The following DIPK1A variants were observed in gnomAD, a reference collection of about 807,000 sequenced individuals.
DIPK1A encodes family with sequence similarity 69 member A.
DIPK1A carries 27 observed loss-of-function variants against 40.8 expected under a neutral mutation model. That is an observed-to-expected ratio of 0.66 (90% CI 0.49 to 0.91). The LOEUF is 0.91. Among genes scored for constraint, DIPK1A ranks in the 40% least tolerant of loss-of-function variants. DIPK1A has a pLI of 0.00. For synonymous variants in DIPK1A, 166 were observed against 171.3 expected, an observed-to-expected ratio of 0.97 and a Z score of 0.24; for missense variants, 412 against 505.7, an observed-to-expected ratio of 0.81 and a Z score of 1.78.
intron 1 of DIPK1A, among the ~76,000 whole-genome samples, chr1:92,944,816 G>C (rs541858500): frequency 7.2e-5 from 11 of 152,130 alleles, no homozygotes; most frequent in African/African-American, 2.6e-4. Flanking sequence ...AGGAATTTGA[G>C]ACCAGCCTGG....
At chr1:92,946,403 A>C (rs1219650802) in intron 1 of DIPK1A, among the ~76,000 whole-genome samples, 1 of 152,202 alleles carries the variant, frequency 6.6e-6, no homozygotes, top group Non-Finnish European at 1.5e-5. Context: ...AAGAGAGGAA[A>C]AAACAGGTAG....
chr1:92,842,396 T>A lies in DIPK1A; in HGVS notation c.*987A>T, dbSNP rs1007068522. The A allele has an allele frequency of 1.0e-6, 1 of 982,408 alleles. No individual in the cohort carries two copies. The highest frequency in any genetic ancestry group is 1.2e-6 in the Non-Finnish European group (1 of 827,252). The allele number at this position is 982,408 out of a possible 1,614,324, so 60.9% of individuals were successfully genotyped here. ...TTAATTTTATGGAGATGTTGAAAGG[T>A]ACATGCCAAATCTGAGTATACGTGT... On this transcript the variant is annotated 3_prime_UTR_variant, in exon 5 of 5. Coordinates refer to ENST00000370310, the MANE Select transcript of DIPK1A (RefSeq NM_001006605.5).
intron 1 of DIPK1A, among the ~76,000 whole-genome samples, chr1:92,929,709 C>CT (rs2100869409): frequency 6.6e-6 from 1 of 152,288 alleles, no homozygotes; most frequent in African/African-American, 2.4e-5. Context: ...TTTCAATAAT[C>CT]TTTGTCTGTG....
chr1:92,941,917 G>A (rs1004599264), intron 1 of DIPK1A, among the ~76,000 whole-genome samples: 5 of 151,804 alleles, frequency 3.3e-5, no homozygotes, highest in Non-Finnish European at 1.5e-5. Context: ...TTGAACCCAG[G>A]AGGCGGAGGT....
intron 1 of DIPK1A, among the ~76,000 whole-genome samples, chr1:92,900,023 T>C (rs575909115): frequency 3.4e-5 from 5 of 147,822 alleles, no homozygotes; most frequent in African/African-American, 1.3e-4. Flanking sequence ...TATATGTGAC[T>C]TGACACTTTT....
chr1:92,833,060 A>G lies in DIPK1A; in HGVS notation c.475-26T>C, dbSNP rs916284971. ...CTTGAAGAAACAAATATGGAAATTG[A>G]AAGCGTTTAAAACCTTTTGAAAGCA... On this transcript the variant is annotated intron_variant, in intron 4 of 4. Coordinates refer to the DIPK1A transcript ENST00000615519. 6.9e-6 allele frequency: 5 copies of G among 727,850 alleles called. No individual in the cohort carries two copies. In the African/African-American group the frequency reaches 8.6e-5, roughly 12 times the overall value. 45.1% of individuals were successfully genotyped at this position (727,850 alleles called of 1,614,324 possible).
intron 1 of DIPK1A, among the ~76,000 whole-genome samples, chr1:92,889,645 T>C (rs532734799): frequency 2.1e-5 from 3 of 144,958 alleles, no homozygotes; most frequent in Admixed American, 2.1e-4. Context: ...ATATCTTTCC[T>C]TTTTTTTTTT....
intron 4 of DIPK1A, chr1:92,836,159 A>G (rs772902205): frequency 6.3e-7 from 1 of 1,589,476 alleles, no homozygotes; most frequent in South Asian, 1.1e-5. Flanking sequence ...TGAATAATTG[A>G]AACCAGCATT....
intron 1 of DIPK1A, among the ~76,000 whole-genome samples, chr1:92,946,544 T>C (rs1374978274): frequency 6.6e-6 from 1 of 152,166 alleles, no homozygotes; most frequent in African/African-American, 2.4e-5. Context: ...TAAGTTAAAT[T>C]AAAATTACAA....
chr1:92,906,304 G>C (rs1649620532), intron 1 of DIPK1A, among the ~76,000 whole-genome samples: 1 of 152,138 alleles, frequency 6.6e-6, no homozygotes, highest in African/African-American at 2.4e-5. Context: ...TTAAATCAGA[G>C]ACTAAGTCTT....
chr1:92,948,434 T>A (rs1400365176), intron 1 of DIPK1A, among the ~76,000 whole-genome samples: 1 of 151,568 alleles, frequency 6.6e-6, no homozygotes, highest in Non-Finnish European at 1.5e-5. Flanking sequence ...AAAACTTTTT[T>A]AAAAAGGTAA....
intron 2 of DIPK1A, among the ~76,000 whole-genome samples, chr1:92,869,542 T>G (rs1193416728): frequency 6.6e-6 from 1 of 152,182 alleles, no homozygotes; most frequent in Non-Finnish European, 1.5e-5. Flanking sequence ...ACCCACACTT[T>G]AAAACTTAAA....
chr1:92,837,599 C>G, downstream of DIPK1A: 1 of 1,612,112 alleles, frequency 6.2e-7, no homozygotes, highest in Non-Finnish European at 8.5e-7. Context: ...AAACAGTTCT[C>G]TCAATACATA....
At chr1:92,850,230 A>C (rs578206926) in intron 3 of DIPK1A, among the ~76,000 whole-genome samples, 52 of 152,168 alleles carry the variant, frequency 3.4e-4, no homozygotes, top group African/African-American at 1.2e-3. Flanking sequence ...TCAGCCTCCC[A>C]AAGTGTTGGG....
chr1:92,951,279 ACATGAAC>A (rs577016798), intron 1 of DIPK1A, among the ~76,000 whole-genome samples: 2 of 152,306 alleles, frequency 1.3e-5, no homozygotes, highest in South Asian at 2.1e-4. Flanking sequence ...AGAAAGGGAA[ACATGAAC>A]CATGAACCAT....
chr1:92,866,963 G>A (rs185036426), intron 2 of DIPK1A, among the ~76,000 whole-genome samples: 44 of 152,286 alleles, frequency 2.9e-4, no homozygotes, highest in Non-Finnish European at 5.6e-4. Flanking sequence ...AATAATGTGT[G>A]TGTGTGTGTC....
At chr1:92,934,129 A>C (rs1304090039) in intron 1 of DIPK1A, 4 of 152,372 alleles carry the variant, frequency 2.6e-5, no homozygotes, top group African/African-American at 7.2e-5. Flanking sequence ...ACTTTAGATA[A>C]TAAAAAATGA....
At chr1:92,833,634 G>A in intron 4 of DIPK1A, 1 of 1,611,886 alleles carries the variant, frequency 6.2e-7, no homozygotes, top group Non-Finnish European at 8.5e-7. Flanking sequence ...GATAGTTCGT[G>A]TGACAAACAG....
rs755345711 is a variant in DIPK1A, at chr1:92,912,182, C to T, written c.55-35752G>A. On this transcript the variant is annotated intron_variant, in intron 1 of 4. Coordinates refer to ENST00000370310, the MANE Select transcript of DIPK1A (RefSeq NM_001006605.5). ...TGGTTTCAATTTGTTTTAATCACAA[C>T]ACTACACATTTTAAAAATAAGGAAT... 5.3e-4 allele frequency among the ~76,000 whole-genome samples: 81 copies of T among 152,056 alleles called. 1 individual carries two copies. Among genetic ancestry groups the T allele is most frequent in the Admixed American group, 3.9e-3 (59 of 15,270 alleles).
Sources: allele counts gnomAD v4.1 joint callset (sites outside exome capture counted in the v4.1 genomes callset), GRCh38; gene constraint gnomAD v4.1.1; transcripts MANE v1.5; gene names NCBI Gene and HGNC (gene_info 2026-07-23, HGNC 2026-07-21).